Variants in ZNF430 observed in about 807,000 individuals in gnomAD.
ZNF430 encodes zinc finger protein 430.
A neutral mutation model predicts 56.7 loss-of-function variants in ZNF430; 35 were observed. The observed-to-expected ratio is 0.62, with a 90% confidence interval of 0.47 to 0.82. The LOEUF (loss-of-function observed/expected upper bound fraction) is 0.82, where lower values mean the gene tolerates loss of function less well. Ranked by LOEUF, ZNF430 falls within the 40% of genes least tolerant of loss-of-function variation. The probability of loss-of-function intolerance (pLI) is 0.00; values close to 1 mark genes in which losing one functional copy is unlikely to be tolerated. For synonymous variants in ZNF430, 212 were observed against 224.3 expected, an observed-to-expected ratio of 0.94 and a Z score of 0.49; for missense variants, 574 against 661.0, an observed-to-expected ratio of 0.87 and a Z score of 1.44.
chr19:21,055,472 G>A (rs1252889370), intron 4 of ZNF430, among the ~76,000 whole-genome samples: 2 of 150,184 alleles, frequency 1.3e-5, no homozygotes, highest in African/African-American at 2.4e-5. Flanking sequence ...TTTGTCAGAC[G>A]GGGTCTTGCT....
chr19:21,034,196 T>A lies in ZNF430; in HGVS notation c.322+12T>A, dbSNP rs1967953292. ...AGATCAACCCCCAGGTAGGTGAGAG[T>A]GAACACAACAGACGACATGAATGAG... On this transcript the variant is annotated intron_variant, in intron 4 of 4. Coordinates refer to ENST00000261560, the MANE Select transcript of ZNF430 (RefSeq NM_025189.4). The A allele has an allele frequency of 5.8e-6, 9 of 1,554,664 alleles. No individual in the cohort carries two copies. Among genetic ancestry groups the A allele is most frequent in the Non-Finnish European group, 7.9e-6 (9 of 1,139,858 alleles).
At chr19:21,027,312 A>G (rs886109633) in intron 2 of ZNF430, among the ~76,000 whole-genome samples, 1 of 152,182 alleles carries the variant, frequency 6.6e-6, no homozygotes, top group African/African-American at 2.4e-5. Context: ...GTTTTGAAGT[A>G]TATACCTTCA....
At chr19:21,054,766 C>T (rs111934476) in intron 4 of ZNF430, among the ~76,000 whole-genome samples, 42 of 150,678 alleles carry the variant, frequency 2.8e-4, no homozygotes, top group East Asian at 5.8e-4. Flanking sequence ...GCTCCGCCTC[C>T]CCGGTTCACG....
intron 1 of ZNF430, 22 bp downstream of exon 1, chr19:21,020,825 T>A (rs753367613): frequency 3.7e-6 from 6 of 1,613,676 alleles, no homozygotes; most frequent in South Asian, 1.1e-5. Context: ...GGGTCCGACA[T>A]CCCCAGAGAG....
intron 4 of ZNF430, among the ~76,000 whole-genome samples, chr19:21,042,717 G>T (rs1438673536): frequency 6.6e-6 from 1 of 151,944 alleles, no homozygotes; most frequent in Non-Finnish European, 1.5e-5. Flanking sequence ...GAACCTGGGA[G>T]GCAGAGCTTG....
At chr19:21,041,517 T>G (rs941575656) in intron 4 of ZNF430, among the ~76,000 whole-genome samples, 1 of 152,186 alleles carries the variant, frequency 6.6e-6, no homozygotes, top group Non-Finnish European at 1.5e-5. Flanking sequence ...ATATTATTTT[T>G]TGTGTGTTCT....
At chr19:21,038,976 GTCTC>G (rs1023651956) in intron 4 of ZNF430, among the ~76,000 whole-genome samples, 4 of 152,108 alleles carry the variant, frequency 2.6e-5, no homozygotes, top group Admixed American at 2.0e-4. Flanking sequence ...TCGAGACAGA[GTCTC>G]TCTCTGTCAT....
intron 4 of ZNF430, among the ~76,000 whole-genome samples, chr19:21,040,908 AGT>A (rs1968090693): frequency 1.3e-5 from 2 of 152,282 alleles, no homozygotes; most frequent in Admixed American, 1.3e-4. Context: ...ATATAATATC[AGT>A]GTTTGTCTCA....
chr19:21,058,651 A>G lies in ZNF430; in HGVS notation c.*630A>G, dbSNP rs1032659200. The G allele has an allele frequency of 2.6e-5, 4 of 154,414 alleles. No homozygotes were observed. The highest frequency in any genetic ancestry group is 4.4e-5 in the Non-Finnish European group (3 of 68,282). 9.6% of individuals were successfully genotyped at this position (154,414 alleles called of 1,614,324 possible). A position where few individuals can be genotyped will look rare whatever the true frequency, so the allele number is the denominator to read the frequency against. ...ATAGTTCATACTGAAGAAAACTTCT[A>G]CAAGTGTGAACAGTGTGGCAAAACT... is the stretch of plus-strand genomic sequence containing the variant. On this transcript the variant is annotated 3_prime_UTR_variant, in exon 5 of 5. Coordinates refer to ENST00000261560, the MANE Select transcript of ZNF430 (RefSeq NM_025189.4).
chr19:21,021,262 G>A (rs1462622292), intron 1 of ZNF430, among the ~76,000 whole-genome samples: 1 of 152,128 alleles, frequency 6.6e-6, no homozygotes, highest in African/African-American at 2.4e-5. Context: ...ACTTTGGGAG[G>A]CCGAGGCGGG....
intron 4 of ZNF430, among the ~76,000 whole-genome samples, chr19:21,044,804 C>CTT (rs1968160383): frequency 6.6e-6 from 1 of 152,096 alleles, no homozygotes; most frequent in Non-Finnish European, 1.5e-5. Context: ...CTGGTTTGGT[C>CTT]TTGGGAGGGT....
intron 4 of ZNF430, among the ~76,000 whole-genome samples, chr19:21,054,710 C>G (rs562715418): frequency 5.4e-4 from 60 of 111,018 alleles, no homozygotes; most frequent in African/African-American, 2.2e-3. Flanking sequence ...GAGTCTCGCT[C>G]TGTCGCCCAG....
intron 4 of ZNF430, chr19:21,049,481 G>A (rs530171726): frequency 1.3e-5 from 2 of 152,124 alleles, no homozygotes; most frequent in South Asian, 2.1e-4. Flanking sequence ...ATTCATTTTA[G>A]CATTTCTATT....
chr19:21,030,511 G>T (rs1286285688), intron 2 of ZNF430, among the ~76,000 whole-genome samples: 1 of 143,112 alleles, frequency 7.0e-6, no homozygotes, highest in Admixed American at 7.2e-5. Context: ...TTTTCCAAAG[G>T]CAGATTTATT....
intron 4 of ZNF430, chr19:21,035,722 G>A (rs1185042709): frequency 6.2e-6 from 1 of 161,412 alleles, no homozygotes; most frequent in East Asian, 1.7e-4. Context: ...GTAGTGGAGA[G>A]GGGGTGTAGC....
intron 4 of ZNF430, among the ~76,000 whole-genome samples, chr19:21,038,849 G>T (rs1263849044): frequency 6.6e-6 from 1 of 152,132 alleles, no homozygotes; most frequent in Non-Finnish European, 1.5e-5. Context: ...CTGTGCTATT[G>T]TCATTTTTAT....
At chr19:21,054,604 T>C (rs1291042059) in intron 4 of ZNF430, among the ~76,000 whole-genome samples, 1 of 151,858 alleles carries the variant, frequency 6.6e-6, no homozygotes, top group Non-Finnish European at 1.5e-5. Flanking sequence ...TGCTTATATA[T>C]GTGTTTGTTA....
chr19:21,037,531 A>G (rs1174100152), intron 4 of ZNF430, among the ~76,000 whole-genome samples: 2 of 152,212 alleles, frequency 1.3e-5, no homozygotes, highest in Non-Finnish European at 2.9e-5. Context: ...TTTTGTGAAT[A>G]CTAGTACAAT....
chr19:21,020,667 G>C lies in ZNF430; in HGVS notation c.-134G>C. On this transcript the variant is annotated 5_prime_UTR_variant, in exon 1 of 5. Coordinates refer to ENST00000261560, the MANE Select transcript of ZNF430 (RefSeq NM_025189.4). Reference sequence around the variant, plus strand: ...TTTGGCGGGGCCTTTGTCCCTCGCTGTGGCCTGAGCTCCAGGTCTCGTCTT... The same window carrying C: ...TTTGGCGGGGCCTTTGTCCCTCGCTCTGGCCTGAGCTCCAGGTCTCGTCTT... The C allele has an allele frequency of 7.4e-7, 1 of 1,347,602 alleles. No individual in the cohort carries two copies. The highest frequency in any genetic ancestry group is 1.8e-5 in the Admixed American group (1 of 54,478). 83.5% of individuals were successfully genotyped at this position (1,347,602 alleles called of 1,614,324 possible). A position where few individuals can be genotyped will look rare whatever the true frequency, so the allele number is the denominator to read the frequency against.
Sources: allele counts gnomAD v4.1 joint callset (sites outside exome capture counted in the v4.1 genomes callset), GRCh38; gene constraint gnomAD v4.1.1; transcripts MANE v1.5; gene names NCBI Gene and HGNC (gene_info 2026-07-23, HGNC 2026-07-21).